Variants in HIVEP1 observed in about 807,000 individuals in gnomAD.
HIVEP1 encodes the protein zinc finger protein 40.
Under a neutral mutation model 180.0 loss-of-function variants are expected in HIVEP1, and 36 were observed. The observed-to-expected ratio is 0.20, with a 90% confidence interval of 0.15 to 0.26. The LOEUF (loss-of-function observed/expected upper bound fraction) is 0.26, where lower values mean the gene tolerates loss of function less well. Ranked by LOEUF, HIVEP1 falls within the 10% of genes least tolerant of loss-of-function variation. The pLI is 1.00. For missense variants in HIVEP1, 3,143 were observed against 3,268.7 expected, an observed-to-expected ratio of 0.96 and a Z score of 0.94; for synonymous variants, 1,239 against 1,239.0, an observed-to-expected ratio of 1.00 and a Z score of 0.00.
At chr6:12,055,344 G>A (rs773873579) in intron 2 of HIVEP1, among the ~76,000 whole-genome samples, 3 of 152,036 alleles carry the variant, frequency 2.0e-5, no homozygotes, top group Non-Finnish European at 2.9e-5. Context: ...ATGGTGGCAC[G>A]TGCCTGTAAT....
At chr6:12,116,308 C>T (rs1174819806) in intron 3 of HIVEP1, among the ~76,000 whole-genome samples, 3 of 152,160 alleles carry the variant, frequency 2.0e-5, no homozygotes, top group African/African-American at 2.4e-5. Context: ...CCTTGGTTCT[C>T]GAGAGAAGGT....
At chr6:12,141,304 T>TATAGACAAGCA (rs1759011620) in intron 7 of HIVEP1, among the ~76,000 whole-genome samples, 1 of 152,066 alleles carries the variant, frequency 6.6e-6, no homozygotes, top group African/African-American at 2.4e-5. Context: ...AAAAATCCTT[T>TATAGACAAGCA]ATAGACAAGC....
At chr6:12,206,470 G>A in the HIVEP1 span, among the ~76,000 whole-genome samples, 2 of 152,060 alleles carry the variant, frequency 1.3e-5, no homozygotes, top group African/African-American at 2.4e-5. Context: ...CACAGAGAAA[G>A]AGAGAGACAG....
At chr6:12,188,115 G>A in the HIVEP1 span, among the ~76,000 whole-genome samples, 2 of 152,084 alleles carry the variant, frequency 1.3e-5, no homozygotes, top group African/African-American at 4.8e-5. Context: ...AAGATCATCT[G>A]TCACTTATGG....
chr6:12,014,520 C>T (rs1049922612), intron 1 of HIVEP1, among the ~76,000 whole-genome samples: 1 of 152,176 alleles, frequency 6.6e-6, no homozygotes, highest in African/African-American at 2.4e-5. Context: ...ATAACAAAAG[C>T]TTTAAGCCTT....
the HIVEP1 span, among the ~76,000 whole-genome samples, chr6:12,172,180 C>CAA: frequency 6.6e-6 from 1 of 152,170 alleles, no homozygotes; most frequent in African/African-American, 2.4e-5. Context: ...TGACATTTAA[C>CAA]AAAAGTTTTC....
upstream of HIVEP1, among the ~76,000 whole-genome samples, chr6:12,011,522 C>G (rs1394566474): frequency 6.6e-6 from 1 of 151,098 alleles, no homozygotes. Flanking sequence ...TGCTGGTTCC[C>G]CAGGCGTCGC....
At chr6:12,036,477 C>A (rs1769283258) in intron 2 of HIVEP1, among the ~76,000 whole-genome samples, 1 of 152,174 alleles carries the variant, frequency 6.6e-6, no homozygotes, top group African/African-American at 2.4e-5. Context: ...TGAGCATTTA[C>A]CCTGTGACTC....
At chr6:12,182,557 G>A in the HIVEP1 span, among the ~76,000 whole-genome samples, 10,086 of 152,244 alleles carry the variant, frequency 0.066, 402 homozygotes, top group Non-Finnish European at 0.08. Flanking sequence ...GTTTAGTTCA[G>A]GGCTGAAGGA....
chr6:12,172,763 G>A, the HIVEP1 span, among the ~76,000 whole-genome samples: 1 of 151,054 alleles, frequency 6.6e-6, no homozygotes, highest in Admixed American at 6.6e-5. Flanking sequence ...TAGTTAAGTA[G>A]TGAGGCTGGG....
the HIVEP1 span, among the ~76,000 whole-genome samples, chr6:12,181,542 C>T: frequency 2.6e-5 from 4 of 151,836 alleles, no homozygotes; most frequent in South Asian, 2.1e-4. Context: ...TCCCAAGTAG[C>T]TGGGACTACA....
At position 12,122,461 on chromosome 6, in the gene HIVEP1, A is replaced by G. The variant is rs1449665681; in HGVS notation, c.2666A>G (p.Gln889Arg). 1.9e-6 allele frequency: 3 copies of G among 1,614,140 alleles called. 1 individual carries two copies. Among genetic ancestry groups the G allele is most frequent in the South Asian group, 2.2e-5 (2 of 91,092 alleles). ...TCGGGACCTAACGCTCCTGTGCCCC[A>G]GAGTGGGCATCCCCGTACACTTGTG... is the stretch of plus-strand genomic sequence containing the variant. ...FVSGPNAPVP[Q>R]SGHPRTLVRQ... is the part of the protein sequence containing the mutation. The change falls in exon 4 of 9, where the codon CAG (glutamine) becomes CGG (arginine). Residue 889 changes from glutamine (Q) to arginine (R), a missense_variant. By Grantham distance (43) the Gln-to-Arg change is conservative (BLOSUM62 1). Coordinates refer to ENST00000379388, the MANE Select transcript of HIVEP1 (RefSeq NM_002114.4).
At chr6:12,065,248 G>C (rs1354417760) in intron 2 of HIVEP1, among the ~76,000 whole-genome samples, 2 of 152,158 alleles carry the variant, frequency 1.3e-5, no homozygotes, top group East Asian at 3.8e-4. Flanking sequence ...TTGGGACCTG[G>C]GATAGGAGAA....
chr6:12,173,472 C>G, the HIVEP1 span, among the ~76,000 whole-genome samples: 6 of 152,124 alleles, frequency 3.9e-5, no homozygotes, highest in Non-Finnish European at 8.8e-5. Flanking sequence ...TACATTTTAG[C>G]TATAAAAAGC....
At chr6:12,011,573 T>TC (rs1395447646), upstream of HIVEP1, among the ~76,000 whole-genome samples, 2 of 66,338 alleles carry the variant, frequency 3.0e-5, no homozygotes, top group Admixed American at 1.5e-4. Context: ...ACCCCGCCCC[T>TC]CCCCCCCGGG....
At chr6:12,147,925 C>A (rs961091861) in intron 7 of HIVEP1, among the ~76,000 whole-genome samples, 9 of 152,082 alleles carry the variant, frequency 5.9e-5, no homozygotes, top group Non-Finnish European at 8.8e-5. Flanking sequence ...GTAGAACTTT[C>A]ACCACAGAAT....
intron 3 of HIVEP1, among the ~76,000 whole-genome samples, chr6:12,100,317 T>C (rs1051918604): frequency 6.6e-6 from 1 of 152,204 alleles, no homozygotes; most frequent in African/African-American, 2.4e-5. Flanking sequence ...TAACAATTTA[T>C]AGCATTTTTC....
At chr6:12,125,909 C>T (rs943734433) in intron 4 of HIVEP1, 39 bp downstream of exon 4, 10 of 1,286,364 alleles carry the variant, frequency 7.8e-6, no homozygotes, top group Non-Finnish European at 5.4e-6. Flanking sequence ...ATGGTTTGCG[C>T]AAATTTGTTT....
At chr6:12,186,470 G>C in the HIVEP1 span, among the ~76,000 whole-genome samples, 1 of 151,010 alleles carries the variant, frequency 6.6e-6, no homozygotes, top group African/African-American at 2.4e-5. Flanking sequence ...AACTTTCTGG[G>C]ATGATGGAAA....
Sources: gnomAD v4.1 joint callset for allele counts (sites outside exome capture counted in the v4.1 genomes callset) on GRCh38, gnomAD v4.1.1 for gene constraint, MANE v1.5 for transcripts, NCBI Gene and HGNC (gene_info 2026-07-23, HGNC 2026-07-21) for gene names.